Variants in PRKN observed in about 807,000 individuals in gnomAD.
PRKN encodes parkin RBR E3 ubiquitin protein ligase, also known as E3 ubiquitin-protein ligase parkin.
A neutral mutation model predicts 59.5 loss-of-function variants in PRKN; 56 were observed. The observed-to-expected ratio is 0.94, with a 90% CI of 0.76 to 1.18. PRKN has a LOEUF of 1.18. Among genes scored for constraint, PRKN ranks in the 50% most tolerant of loss-of-function variants. The probability of loss-of-function intolerance (pLI) is 0.00; values close to 1 mark genes in which losing one functional copy is unlikely to be tolerated. For missense variants in PRKN, 657 were observed against 596.4 expected, an observed-to-expected ratio of 1.10 and a Z score of -1.06; for synonymous variants, 250 against 222.1, an observed-to-expected ratio of 1.13 and a Z score of -1.12.
At chr6:162,136,292 A>G (rs1781562263) in intron 4 of PRKN, among the ~76,000 whole-genome samples, 1 of 152,124 alleles carries the variant, frequency 6.6e-6, no homozygotes, top group African/African-American at 2.4e-5. Flanking sequence ...GGATTCACTT[A>G]AGGAGAACTC....
chr6:161,531,542 G>A (rs1428136949), intron 9 of PRKN, among the ~76,000 whole-genome samples: 1 of 152,178 alleles, frequency 6.6e-6, no homozygotes, highest in African/African-American at 2.4e-5. Flanking sequence ...AGGTGGCCCA[G>A]TAAGACCATC....
intron 2 of PRKN, among the ~76,000 whole-genome samples, chr6:162,339,312 G>A (rs1468230314): frequency 2.1e-5 from 3 of 143,646 alleles, no homozygotes; most frequent in East Asian, 2.2e-4. Context: ...CCCCCCGCCC[G>A]GCCAGCCGCG....
At chr6:161,811,873 G>C (rs1032164145) in intron 6 of PRKN, among the ~76,000 whole-genome samples, 1 of 151,834 alleles carries the variant, frequency 6.6e-6, no homozygotes, top group African/African-American at 2.4e-5. Context: ...AGTGAGTTGA[G>C]ATCGTGTCTT....
chr6:162,168,556 C>CAAAAA (rs771060815), intron 4 of PRKN, among the ~76,000 whole-genome samples: 1 of 47,312 alleles, frequency 2.1e-5, no homozygotes, highest in African/African-American at 7.7e-5. Context: ...ATCTGTTTTA[C>CAAAAA]AAAAAAAAAA....
intron 1 of PRKN, among the ~76,000 whole-genome samples, chr6:162,713,485 C>T (rs553354019): frequency 5.0e-5 from 6 of 120,682 alleles, no homozygotes; most frequent in Admixed American, 4.6e-4. Context: ...CAGAGTGAGA[C>T]TCCACCTCAA....
At chr6:161,969,257 CA>C (rs1780703847) in intron 6 of PRKN, among the ~76,000 whole-genome samples, 2 of 146,994 alleles carry the variant, frequency 1.4e-5, no homozygotes, top group Admixed American at 7.0e-5. Flanking sequence ...ATATGGTTTT[CA>C]GTCTTATTTG....
At chr6:162,353,070 C>T (rs528917208) in intron 2 of PRKN, among the ~76,000 whole-genome samples, 1 of 152,108 alleles carries the variant, frequency 6.6e-6, no homozygotes, top group South Asian at 2.1e-4. Flanking sequence ...TTTCACACAC[C>T]AATGTCCACT....
rs867458702 is a variant in PRKN, at chr6:161,525,114, C to G, written c.1083+23740G>C. On this transcript the variant is annotated intron_variant, in intron 9 of 11. Transcript: ENST00000366898. This position sits in a 1 kb window ranked among gnomAD's most constrained non-coding sequence, Gnocchi z 4.7. ...AATAAGATTTTTGAGTTGACACATTCATTCATTTTCTAAAAGGTGTGTGTG... is the reference window on the plus strand; with the variant it reads ...AATAAGATTTTTGAGTTGACACATTGATTCATTTTCTAAAAGGTGTGTGTG... 4.4e-4 allele frequency among the ~76,000 whole-genome samples: 65 copies of G among 146,324 alleles called. No homozygotes were observed. Among genetic ancestry groups the G allele is most frequent in the African/African-American group, 1.6e-3 (62 of 39,062 alleles).
chr6:162,510,998 T>C (rs187874829), intron 1 of PRKN, among the ~76,000 whole-genome samples: 64 of 152,222 alleles, frequency 4.2e-4, no homozygotes, highest in Admixed American at 4.1e-3. Flanking sequence ...AAAATTTTCC[T>C]ACATTTGGGA....
intron 6 of PRKN, among the ~76,000 whole-genome samples, chr6:161,811,950 T>TA (rs1157885135): frequency 9.3e-5 from 14 of 150,016 alleles, no homozygotes; most frequent in South Asian, 8.4e-4. Flanking sequence ...AAATAAAAAT[T>TA]AAAAAAAAAT....
In PRKN at chr6:161,537,599, C is replaced by G. The variant is rs1251994822; in HGVS notation, c.1083+11255G>C. On this transcript the variant is annotated intron_variant, in intron 9 of 11. Coordinates refer to ENST00000366898, the MANE Select transcript of PRKN (RefSeq NM_004562.3). ...CCGGAGTAGCTGGGACTACAGGCACCCGCCACCATGCTCGGCTAATTTTTT... is the reference window on the plus strand; with the variant it reads ...CCGGAGTAGCTGGGACTACAGGCACGCGCCACCATGCTCGGCTAATTTTTT... Among the ~76,000 whole-genome samples, 7 of 152,026 alleles carry G rather than the reference C, an allele frequency of 4.6e-5. No individual in the cohort carries two copies. The Middle Eastern group carries it at 0.01, about 222-fold the overall frequency.
At chr6:162,193,586 G>C (rs1394425387) in intron 4 of PRKN, among the ~76,000 whole-genome samples, 1 of 152,102 alleles carries the variant, frequency 6.6e-6, no homozygotes, top group African/African-American at 2.4e-5. Flanking sequence ...ATGATCTGAT[G>C]TTTTCCTAAA....
At chr6:162,436,713 A>G in intron 2 of PRKN, among the ~76,000 whole-genome samples, 1 of 121,526 alleles carries the variant, frequency 8.2e-6, no homozygotes. Flanking sequence ...ACTTTTGCTT[A>G]GTTTAAATAT....
chr6:162,000,063 G>A (rs980065262), intron 5 of PRKN, among the ~76,000 whole-genome samples: 1 of 152,064 alleles, frequency 6.6e-6, no homozygotes, highest in African/African-American at 2.4e-5. Flanking sequence ...CATCTTGGCT[G>A]CTTCCAAGTT....
chr6:162,385,252 C>T (rs1786740164), intron 2 of PRKN, among the ~76,000 whole-genome samples: 1 of 152,050 alleles, frequency 6.6e-6, no homozygotes, highest in African/African-American at 2.4e-5. Flanking sequence ...GCCACTTCAC[C>T]CAGATAACAT....
chr6:162,009,739 G>A (rs964375949), intron 5 of PRKN, among the ~76,000 whole-genome samples: 5 of 151,490 alleles, frequency 3.3e-5, no homozygotes, highest in African/African-American at 4.9e-5. Flanking sequence ...AGTGTGAAAC[G>A]AGCATGGCCA....
intron 2 of PRKN, among the ~76,000 whole-genome samples, chr6:162,303,740 A>G (rs986476108): frequency 6.6e-6 from 1 of 152,184 alleles, no homozygotes; most frequent in Non-Finnish European, 1.5e-5. Flanking sequence ...GTATACATGT[A>G]TAGTTGGCTA....
At chr6:162,052,865 G>A (rs1213666138) in intron 5 of PRKN, among the ~76,000 whole-genome samples, 1 of 151,976 alleles carries the variant, frequency 6.6e-6, no homozygotes, top group Non-Finnish European at 1.5e-5. Flanking sequence ...TAACACATAT[G>A]TATATATGGA....
chr6:162,706,988 A>G (rs1778360770), intron 1 of PRKN, among the ~76,000 whole-genome samples: 1 of 152,198 alleles, frequency 6.6e-6, no homozygotes, highest in Non-Finnish European at 1.5e-5. Context: ...TTGGATCAAA[A>G]ATTTCAAAGA....
Sources: gnomAD v4.1 joint callset for allele counts (sites outside exome capture counted in the v4.1 genomes callset) on GRCh38, gnomAD v4.1.1 for gene constraint, Gnocchi (gnomAD v3.1) non-coding constraint, MANE v1.5 for transcripts, NCBI Gene and HGNC (gene_info 2026-07-23, HGNC 2026-07-21) for gene names.